Variants in PXDNL observed in about 807,000 individuals in gnomAD.
The protein encoded by PXDNL is probable oxidoreductase PXDNL.
A neutral mutation model predicts 150.8 loss-of-function variants in PXDNL; 145 were observed. The observed-to-expected ratio is 0.96, with a 90% confidence interval of 0.84 to 1.10. PXDNL has a LOEUF of 1.10. Among genes scored for constraint, PXDNL ranks in the 50% least tolerant of loss-of-function variants. PXDNL has a pLI of 0.00. For synonymous variants in PXDNL, 757 were observed against 725.7 expected, an observed-to-expected ratio of 1.04 and a Z score of -0.69; for missense variants, 2,087 against 1,873.9, an observed-to-expected ratio of 1.11 and a Z score of -2.10.
chr8:51,737,762 C>A (rs1372139649), intron 1 of PXDNL, among the ~76,000 whole-genome samples: 1 of 152,018 alleles, frequency 6.6e-6, no homozygotes, highest in African/African-American at 2.4e-5. Flanking sequence ...TCAGACCCCC[C>A]CCACCACTCC....
At chr8:51,747,443 C>T (rs567578407) in intron 1 of PXDNL, among the ~76,000 whole-genome samples, 16 of 152,320 alleles carry the variant, frequency 1.1e-4, no homozygotes, top group Non-Finnish European at 2.2e-4. Context: ...TACTCATTTA[C>T]TCACAGTGGA....
chr8:51,508,843 C>T (rs1393600288), intron 4 of PXDNL, among the ~76,000 whole-genome samples: 1 of 152,226 alleles, frequency 6.6e-6, no homozygotes, highest in Non-Finnish European at 1.5e-5. Context: ...CACTTCCCAG[C>T]ATGTCCATCT....
rs147845449 is a variant in PXDNL, at chr8:51,323,437, G to A, written c.4147-2540C>T. Among the ~76,000 whole-genome samples the A allele has an allele frequency of 2.8e-4, 42 of 152,060 alleles. 1 individual carries two copies. The East Asian group carries it at 4.3e-3, about 15-fold the overall frequency. On this transcript the variant is annotated intron_variant, in intron 21 of 22. Transcript: ENST00000356297. The stretch of plus-strand genomic sequence containing the variant: ...TGGAACCACTGGTGTATGCCACCAC[G>A]TCCAGCTAATTTTTTGTTGTTGCTG...
At chr8:51,629,412 T>C (rs1585632066) in intron 2 of PXDNL, among the ~76,000 whole-genome samples, 1 of 151,538 alleles carries the variant, frequency 6.6e-6, no homozygotes, top group Admixed American at 6.6e-5. Context: ...GAACAGAACC[T>C]AAGAGACTGT....
chr8:51,477,440 C>T (rs1156561731), intron 6 of PXDNL, among the ~76,000 whole-genome samples: 1 of 152,212 alleles, frequency 6.6e-6, no homozygotes, highest in African/African-American at 2.4e-5. Flanking sequence ...TAAAAGTCAA[C>T]TAGCCCTTGT....
intron 4 of PXDNL, among the ~76,000 whole-genome samples, chr8:51,522,035 T>C (rs1811674620): frequency 6.6e-6 from 1 of 152,244 alleles, no homozygotes; most frequent in East Asian, 1.9e-4. Flanking sequence ...GGTCAGAAAC[T>C]GGGATCTATA....
intron 1 of PXDNL, among the ~76,000 whole-genome samples, chr8:51,656,076 C>G (rs1815144193): frequency 6.6e-6 from 1 of 152,104 alleles, no homozygotes; most frequent in Non-Finnish European, 1.5e-5. Context: ...AGAAGTATAT[C>G]AGGGAAATTT....
chr8:51,708,556 T>C (rs1816430520), intron 1 of PXDNL, among the ~76,000 whole-genome samples: 1 of 152,136 alleles, frequency 6.6e-6, no homozygotes, highest in Non-Finnish European at 1.5e-5. Flanking sequence ...ACATCAGCAA[T>C]GTGGAGTACA....
chr8:51,515,403 T>C (rs922942381), intron 4 of PXDNL, among the ~76,000 whole-genome samples: 1 of 152,102 alleles, frequency 6.6e-6, no homozygotes, highest in African/African-American at 2.4e-5. Flanking sequence ...ACCTGATAGT[T>C]CTGGGAAGCT....
intron 9 of PXDNL, among the ~76,000 whole-genome samples, chr8:51,454,537 G>A (rs959903452): frequency 2.0e-5 from 3 of 152,118 alleles, no homozygotes; most frequent in African/African-American, 7.2e-5. Context: ...CATATAAGGA[G>A]TTCCACTCTT....
chr8:51,613,681 C>T (rs1224174324), intron 2 of PXDNL, among the ~76,000 whole-genome samples: 1 of 152,124 alleles, frequency 6.6e-6, no homozygotes, highest in African/African-American at 2.4e-5. Flanking sequence ...CAGGTTGTCT[C>T]TATTTTTCTC....
chr8:51,491,990 CAT>C (rs72158627), intron 5 of PXDNL, among the ~76,000 whole-genome samples: 2,107 of 152,326 alleles, frequency 0.014, 50 homozygotes, highest in African/African-American at 0.047. Context: ...TTCATGATCA[CAT>C]GTCTCCAGCA....
At chr8:51,565,003 G>C (rs993381908) in intron 3 of PXDNL, among the ~76,000 whole-genome samples, 2 of 151,826 alleles carry the variant, frequency 1.3e-5, no homozygotes, top group Non-Finnish European at 2.9e-5. Flanking sequence ...CTTCCAGTAC[G>C]ATGGTGAATA....
chr8:51,493,059 G>A (rs180797441), intron 5 of PXDNL, among the ~76,000 whole-genome samples: 2,039 of 152,176 alleles, frequency 0.013, 45 homozygotes, highest in African/African-American at 0.046. Flanking sequence ...CAACTCACAC[G>A]GCCAGGTACT....
At chr8:51,554,056 C>T (rs1812550471) in intron 4 of PXDNL, among the ~76,000 whole-genome samples, 1 of 152,118 alleles carries the variant, frequency 6.6e-6, no homozygotes, top group Non-Finnish European at 1.5e-5. Flanking sequence ...TGTAAACAAG[C>T]ATATAAAATG....
At chr8:51,804,525 A>G (rs1280628366) in intron 1 of PXDNL, among the ~76,000 whole-genome samples, 1 of 152,052 alleles carries the variant, frequency 6.6e-6, no homozygotes, top group Non-Finnish European at 1.5e-5. Context: ...TTTACTCCAT[A>G]AATACAGAAG....
chr8:51,673,911 T>C (rs1186731007), intron 1 of PXDNL, among the ~76,000 whole-genome samples: 2 of 152,158 alleles, frequency 1.3e-5, no homozygotes, highest in African/African-American at 4.8e-5. Context: ...AGGTCACAGA[T>C]GCCAAATAAA....
chr8:51,538,153 C>T (rs1362618007), intron 4 of PXDNL, among the ~76,000 whole-genome samples: 1 of 152,116 alleles, frequency 6.6e-6, no homozygotes, highest in Non-Finnish European at 1.5e-5. Flanking sequence ...CCCTCGTATC[C>T]CTGAGGTTCT....
At chr8:51,339,202 G>A (rs958339911) in intron 21 of PXDNL, among the ~76,000 whole-genome samples, 3 of 152,178 alleles carry the variant, frequency 2.0e-5, no homozygotes, top group Non-Finnish European at 2.9e-5. Flanking sequence ...ACTCACACCC[G>A]TAATCCCAGC....
Sources: gnomAD v4.1 joint callset for allele counts (sites outside exome capture counted in the v4.1 genomes callset) on GRCh38, gnomAD v4.1.1 for gene constraint, MANE v1.5 for transcripts, NCBI Gene and HGNC (gene_info 2026-07-23, HGNC 2026-07-21) for gene names.